Variants in OCA2 observed in about 807,000 individuals in gnomAD.
OCA2 encodes P protein.
A neutral mutation model predicts 100.2 loss-of-function variants in OCA2; 77 were observed. The ratio of observed to expected loss-of-function variants is 0.77; its 90% CI spans 0.64 to 0.93. OCA2 has a LOEUF of 0.93. OCA2 is among the 40% of genes least tolerant of loss of function. The pLI, the probability that OCA2 is intolerant of heterozygous loss-of-function variation, is 0.00. For synonymous variants in OCA2, 432 were observed against 439.2 expected (o/e 0.98, Z 0.21); for missense variants, 1,062 against 1,089.1 (o/e 0.98, Z 0.35).
chr15:28,038,740 T>C (rs566563667), intron 2 of OCA2, among the ~76,000 whole-genome samples: 1 of 152,342 alleles, frequency 6.6e-6, no homozygotes, highest in Admixed American at 6.5e-5. Context: ...TGCTGGTCTC[T>C]AGGTTCAAGG....
chr15:28,091,716 G>C (rs982727314), intron 1 of OCA2, among the ~76,000 whole-genome samples: 1 of 152,206 alleles, frequency 6.6e-6, no homozygotes. Context: ...AGCACTTTGG[G>C]AGGCTGAGGC....
At chr15:27,805,780 A>G (rs1176974447) in intron 23 of OCA2, among the ~76,000 whole-genome samples, 1 of 151,926 alleles carries the variant, frequency 6.6e-6, no homozygotes, top group African/African-American at 2.4e-5. Context: ...CCCCACATCC[A>G]GGTGGTAATG....
At chr15:27,853,914 G>A (rs942710107) in intron 21 of OCA2, among the ~76,000 whole-genome samples, 2 of 152,322 alleles carry the variant, frequency 1.3e-5, no homozygotes, top group African/African-American at 2.4e-5. Flanking sequence ...AATAATATTC[G>A]ATGCCGAGAA....
intron 16 of OCA2, among the ~76,000 whole-genome samples, chr15:27,956,996 C>A (rs1050333571): frequency 6.6e-6 from 1 of 152,246 alleles, no homozygotes; most frequent in Non-Finnish European, 1.5e-5. Context: ...CTTCAGCATC[C>A]CTTGGGGGGC....
At chr15:28,049,462 C>A (rs1284406811) in intron 2 of OCA2, among the ~76,000 whole-genome samples, 1 of 152,190 alleles carries the variant, frequency 6.6e-6, no homozygotes, top group Non-Finnish European at 1.5e-5. Context: ...AGCGATTTCA[C>A]TCCTAGATGT....
chr15:27,777,890 C>G lies in OCA2; in HGVS notation c.2433-22418G>C, dbSNP rs189008932. On this transcript the variant is annotated intron_variant, in intron 23 of 23. Coordinates refer to ENST00000354638, the MANE Select transcript of OCA2 (RefSeq NM_000275.3). ...TATTCATGGAAGAAATTAGCCAGCC[C>G]TAACTGAAAAACAGACAGAGGTACT... Among the ~76,000 whole-genome samples, 164 of 152,250 alleles carry G rather than the reference C, an allele frequency of 1.1e-3. 2 individuals are homozygous for G. The highest frequency in any genetic ancestry group is 3.4e-3 in the Middle Eastern group (1 of 294).
At chr15:27,837,883 G>GA (rs71414520) in intron 23 of OCA2, among the ~76,000 whole-genome samples, 1,373 of 87,846 alleles carry the variant, frequency 0.016, 8 homozygotes, top group Non-Finnish European at 0.019. Flanking sequence ...CCCCACGACT[G>GA]AAAAAAAAAA....
chr15:27,850,794 C>A (rs2035719740), intron 22 of OCA2, among the ~76,000 whole-genome samples: 1 of 152,126 alleles, frequency 6.6e-6, no homozygotes, highest in South Asian at 2.1e-4. Flanking sequence ...CCCTGTGTTC[C>A]CAAAGGTGAT....
intron 19 of OCA2, among the ~76,000 whole-genome samples, chr15:27,909,918 A>AT (rs1055340307): frequency 1.3e-5 from 2 of 152,182 alleles, no homozygotes; most frequent in Non-Finnish European, 2.9e-5. Context: ...AAGACACACT[A>AT]TAAAAAGTCA....
intron 18 of OCA2, among the ~76,000 whole-genome samples, chr15:27,938,195 C>A (rs967988027): frequency 6.6e-6 from 1 of 152,172 alleles, no homozygotes; most frequent in Non-Finnish European, 1.5e-5. Flanking sequence ...CTGAACCTTA[C>A]ATAGATTAGG....
At position 28,033,260 on chromosome 15, in the gene OCA2, T is replaced by C. The variant is rs566709641; in HGVS notation, c.228-1097A>G. 2.6e-5 allele frequency among the ~76,000 whole-genome samples: 4 copies of C among 152,380 alleles called. No individual in the cohort carries two copies. The East Asian group carries it at 7.7e-4, about 29-fold the overall frequency. ...CCTGATCACTGAGAATATGTCATTTTATATGCTGATGCATTGCCTTTCTTA... is the reference window on the plus strand; with the variant it reads ...CCTGATCACTGAGAATATGTCATTTCATATGCTGATGCATTGCCTTTCTTA... On this transcript the variant is annotated intron_variant, in intron 2 of 23. Transcript: ENST00000354638.
At chr15:27,722,176 C>A in the OCA2 span, among the ~76,000 whole-genome samples, 1 of 152,258 alleles carries the variant, frequency 6.6e-6, no homozygotes, top group African/African-American at 2.4e-5. Context: ...AAAGCATCTG[C>A]TGTATCCGCC....
chr15:28,070,374 C>T (rs1487568621), intron 2 of OCA2, among the ~76,000 whole-genome samples: 4 of 139,878 alleles, frequency 2.9e-5, no homozygotes, highest in Admixed American at 6.9e-5. Context: ...CACCTCTGCC[C>T]GGCCGCCCCT....
intron 4 of OCA2, among the ~76,000 whole-genome samples, chr15:28,025,516 T>TG (rs2042723525): frequency 6.6e-6 from 1 of 152,208 alleles, no homozygotes; most frequent in Non-Finnish European, 1.5e-5. Flanking sequence ...TATGTGAACC[T>TG]GGGCCTGGCC....
chr15:27,902,026 T>C lies in OCA2; in HGVS notation c.2079+24101A>G, dbSNP rs886811591. Among the ~76,000 whole-genome samples, 6 of 152,164 alleles carry C rather than the reference T, an allele frequency of 3.9e-5. No homozygotes were observed. The South Asian group carries it at 1.2e-3, about 32-fold the overall frequency. On this transcript the variant is annotated intron_variant, in intron 19 of 23. Transcript: ENST00000354638. Reference sequence around the variant, plus strand: ...CACTCAACTCATCTGACCTCTGAAATGTATTCATAAAATGAAAGGATTTGA... The same window carrying C: ...CACTCAACTCATCTGACCTCTGAAACGTATTCATAAAATGAAAGGATTTGA...
the OCA2 span, among the ~76,000 whole-genome samples, chr15:27,729,495 G>A: frequency 1.2e-4 from 18 of 152,030 alleles, no homozygotes; most frequent in African/African-American, 2.9e-4. Context: ...GCCACAATTC[G>A]TTACACTACC....
intron 19 of OCA2, among the ~76,000 whole-genome samples, chr15:27,890,687 CTTAAAGATTGGCTAAAAGAAGTTCT>C (rs1050630647): frequency 1.1e-4 from 17 of 152,166 alleles, no homozygotes; most frequent in Non-Finnish European, 2.4e-4. Flanking sequence ...CAGACCTACC[CTTAAAGATTGGCTAAAAGAAGTTCT>C]TCAAAGATAA....
chr15:27,769,770 A>C (rs933505518), intron 23 of OCA2, among the ~76,000 whole-genome samples: 1 of 152,172 alleles, frequency 6.6e-6, no homozygotes, highest in Non-Finnish European at 1.5e-5. Context: ...CTACTTCCGA[A>C]GGCCCATGGA....
At chr15:27,936,179 T>C (rs1173233374) in intron 18 of OCA2, among the ~76,000 whole-genome samples, 2 of 152,196 alleles carry the variant, frequency 1.3e-5, no homozygotes, top group Non-Finnish European at 2.9e-5. Flanking sequence ...TAATTCTAGC[T>C]CTCTCACTTA....
Sources: gnomAD v4.1 joint callset for allele counts (sites outside exome capture counted in the v4.1 genomes callset) on GRCh38, gnomAD v4.1.1 for gene constraint, MANE v1.5 for transcripts, NCBI Gene and HGNC (gene_info 2026-07-23, HGNC 2026-07-21) for gene names.